LRRC37A2: variants seen among roughly 807,000 people sequenced by gnomAD.
LRRC37A2 encodes the protein leucine rich repeat containing 37 member A2, also known as leucine-rich repeat-containing protein 37A2.
A neutral mutation model predicts 68.8 loss-of-function variants in LRRC37A2; 9 were observed. The ratio of observed to expected loss-of-function variants is 0.13; its 90% confidence interval spans 0.08 to 0.23. The LOEUF (loss-of-function observed/expected upper bound fraction) is 0.23. LRRC37A2 is among the 10% of genes least tolerant of loss of function. The pLI, the probability that LRRC37A2 is intolerant of heterozygous loss-of-function variation, is 1.00. For missense variants in LRRC37A2, 168 were observed against 950.4 expected (o/e 0.18, Z 10.82); for synonymous variants, 63 against 367.6 (o/e 0.17, Z 9.48).
the LRRC37A2 span, among the ~76,000 whole-genome samples, chr17:46,894,248 C>T: frequency 1.3e-5 from 2 of 152,228 alleles, no homozygotes; most frequent in Non-Finnish European, 2.9e-5. Context: ...CAGCCACGTC[C>T]TCAATGGACT....
chr17:47,027,239 A>G, the LRRC37A2 span, among the ~76,000 whole-genome samples: 3 of 152,108 alleles, frequency 2.0e-5, no homozygotes, highest in East Asian at 1.9e-4. Context: ...TAGAAATTGT[A>G]TATATAGAGA....
At chr17:46,753,252 AGTGAG>A in the LRRC37A2 span, among the ~76,000 whole-genome samples, 1 of 152,234 alleles carries the variant, frequency 6.6e-6, no homozygotes, top group South Asian at 2.1e-4. Context: ...TAGTGTGGGC[AGTGAG>A]CGGCAGAGGT....
the LRRC37A2 span, among the ~76,000 whole-genome samples, chr17:46,899,023 C>T: frequency 3.3e-5 from 5 of 152,106 alleles, no homozygotes; most frequent in African/African-American, 7.2e-5. Flanking sequence ...AATGTCCATC[C>T]ACTGGTGAAT....
chr17:46,932,444 A>C, the LRRC37A2 span: 2 of 602,528 alleles, frequency 3.3e-6, no homozygotes, highest in East Asian at 5.5e-5. Context: ...AGAGGTGAAA[A>C]TTACCTGGTT....
the LRRC37A2 span, among the ~76,000 whole-genome samples, chr17:46,866,129 A>G: frequency 6.6e-6 from 1 of 152,132 alleles, no homozygotes; most frequent in East Asian, 1.9e-4. Flanking sequence ...CCTGGAAGGT[A>G]GAGGGGAGGG....
At chr17:46,954,432 A>G in the LRRC37A2 span, among the ~76,000 whole-genome samples, 5 of 152,300 alleles carry the variant, frequency 3.3e-5, no homozygotes, top group South Asian at 1.0e-3. Flanking sequence ...TGTTTTAGTT[A>G]CTGTAGCGTT....
the LRRC37A2 span, among the ~76,000 whole-genome samples, chr17:46,746,501 G>A: frequency 6.6e-6 from 1 of 152,150 alleles, no homozygotes; most frequent in Admixed American, 6.5e-5. Context: ...TTTCCCGATA[G>A]CCCATTTATT....
chr17:46,583,254 G>A, the LRRC37A2 span, among the ~76,000 whole-genome samples: 11 of 71,922 alleles, frequency 1.5e-4, 1 homozygote, highest in East Asian at 2.7e-3. Flanking sequence ...GTGAGTCACC[G>A]CGCCCGGCCA....
At chr17:46,863,018 A>G in the LRRC37A2 span, among the ~76,000 whole-genome samples, 2 of 152,216 alleles carry the variant, frequency 1.3e-5, no homozygotes, top group Non-Finnish European at 2.9e-5. Flanking sequence ...TCAGACCCCA[A>G]GGTACAGGGC....
chr17:47,017,212 C>G, the LRRC37A2 span: 5 of 1,611,740 alleles, frequency 3.1e-6, no homozygotes, highest in South Asian at 2.2e-5. Context: ...GCTCAGTGCC[C>G]GGCACTAGCG....
At chr17:46,940,317 A>T in the LRRC37A2 span, 1 of 1,444,868 alleles carries the variant, frequency 6.9e-7, no homozygotes, top group Non-Finnish European at 9.1e-7. Flanking sequence ...TTTCCAAGGA[A>T]GGAGCAATCT....
the LRRC37A2 span, among the ~76,000 whole-genome samples, chr17:46,569,037 G>A: frequency 7.4e-6 from 1 of 135,718 alleles, no homozygotes; most frequent in East Asian, 2.1e-4. Context: ...CCGCCTCCTG[G>A]GTTCAAGAGA....
At chr17:47,011,964 A>T in the LRRC37A2 span, among the ~76,000 whole-genome samples, 1 of 152,174 alleles carries the variant, frequency 6.6e-6, no homozygotes, top group Admixed American at 6.5e-5. Flanking sequence ...ATAGTTACTG[A>T]TTTTTTTCTA....
At chr17:47,005,261 A>G in the LRRC37A2 span, among the ~76,000 whole-genome samples, 1 of 151,750 alleles carries the variant, frequency 6.6e-6, no homozygotes, top group Non-Finnish European at 1.5e-5. Context: ...TATTTATTGG[A>G]TTTTTGGTTT....
the LRRC37A2 span, among the ~76,000 whole-genome samples, chr17:46,757,765 G>A: frequency 1.3e-5 from 2 of 152,066 alleles, no homozygotes; most frequent in South Asian, 4.2e-4. Context: ...AGGCTGAGGT[G>A]GGTGGATCAC....
At chr17:46,780,517 G>A in the LRRC37A2 span, among the ~76,000 whole-genome samples, 1 of 152,074 alleles carries the variant, frequency 6.6e-6, no homozygotes, top group African/African-American at 2.4e-5. Flanking sequence ...GCCCAGGTGC[G>A]GTGGCTCACG....
the LRRC37A2 span, among the ~76,000 whole-genome samples, chr17:46,944,819 C>T: frequency 6.6e-6 from 1 of 152,000 alleles, no homozygotes; most frequent in Non-Finnish European, 1.5e-5. Flanking sequence ...AGGCTGGTCT[C>T]GAACTCCTGA....
chr17:46,839,613 A>G, the LRRC37A2 span, among the ~76,000 whole-genome samples: 1 of 152,222 alleles, frequency 6.6e-6, no homozygotes. Flanking sequence ...TACATGTGCC[A>G]TGTTGATGTG....
chr17:46,949,186 G>A, the LRRC37A2 span: 1 of 152,254 alleles, frequency 6.6e-6, no homozygotes, highest in African/African-American at 2.4e-5. Context: ...TTTGAAGGCT[G>A]GGAGGAGAAT....
Sources: gnomAD v4.1 joint callset for allele counts (sites outside exome capture counted in the v4.1 genomes callset) on GRCh38, gnomAD v4.1.1 for gene constraint, MANE v1.5 for transcripts, NCBI Gene and HGNC (gene_info 2026-07-23, HGNC 2026-07-21) for gene names.